RBM20: variants seen among roughly 807,000 people sequenced by gnomAD.
The protein encoded by RBM20 is RNA-binding protein 20.
A neutral mutation model predicts 110.1 loss-of-function variants in RBM20; 51 were observed. The observed-to-expected ratio is 0.46, with a 90% CI of 0.37 to 0.59. RBM20 has a LOEUF of 0.59. Ranked by LOEUF, RBM20 falls within the 20% of genes least tolerant of loss-of-function variation. The pLI is 0.00. For synonymous variants in RBM20, 589 were observed against 618.2 expected (o/e 0.95, Z 0.70); for missense variants, 1,512 against 1,574.9 (o/e 0.96, Z 0.68).
At chr10:110,679,740 G>A (rs999965226) in intron 1 of RBM20, among the ~76,000 whole-genome samples, 4 of 152,208 alleles carry the variant, frequency 2.6e-5, no homozygotes, top group African/African-American at 4.8e-5. Context: ...TGTCTGCAGC[G>A]TGGCTGTTTC....
At chr10:110,668,801 T>C (rs1378777566) in intron 1 of RBM20, among the ~76,000 whole-genome samples, 1 of 152,080 alleles carries the variant, frequency 6.6e-6, no homozygotes, top group Non-Finnish European at 1.5e-5. Context: ...TTTGGCCTAA[T>C]GTTTCACTTG....
intron 1 of RBM20, among the ~76,000 whole-genome samples, chr10:110,672,085 G>C (rs891599156): frequency 1.3e-5 from 2 of 152,138 alleles, no homozygotes; most frequent in East Asian, 3.9e-4. Flanking sequence ...GTCCGATGAC[G>C]GCTCTCGGAG....
chr10:110,665,675 T>G (rs993588754), intron 1 of RBM20, among the ~76,000 whole-genome samples: 1 of 151,742 alleles, frequency 6.6e-6, no homozygotes, highest in Non-Finnish European at 1.5e-5. Flanking sequence ...TAATCTATGA[T>G]ATATATGATA....
At chr10:110,835,342 T>C (rs1845111644) in intron 13 of RBM20, 1 of 133,820 alleles carries the variant, frequency 7.5e-6, no homozygotes, top group Non-Finnish European at 1.6e-5. Context: ...TTTTTTTCTT[T>C]TTTTTTTTTT....
chr10:110,781,543 C>T lies in RBM20; in HGVS notation c.934C>T (p.Leu312=), dbSNP rs1164333931. 5 of 1,551,716 alleles carry T rather than the reference C, an allele frequency of 3.2e-6. No individual in the cohort carries two copies. Among genetic ancestry groups the T allele is most frequent in the Non-Finnish European group, 4.4e-6 (5 of 1,146,996 alleles). The change falls in exon 2 of 14, where the codon CTG becomes TTG. Residue 312 remains leucine, a synonymous_variant. Coordinates refer to ENST00000369519, the MANE Select transcript of RBM20 (RefSeq NM_001134363.3). ...GGLKSEVGPL[L]QGTNSQWESP... ...CCTGAAAAGTGAGGTCGGGCCACTG[C>T]TGCAGGGCACAAACAGCCAATGGGA...
chr10:110,664,084 A>T (rs767679654), intron 1 of RBM20, among the ~76,000 whole-genome samples: 6 of 152,192 alleles, frequency 3.9e-5, no homozygotes, highest in Admixed American at 2.0e-4. Context: ...CAAATAAAAA[A>T]ATTTTTCTAA....
In RBM20 at chr10:110,739,713, A is replaced by G. The variant is rs1460086313; in HGVS notation, c.192-41088A>G. Among the ~76,000 whole-genome samples the G allele has an allele frequency of 6.6e-6, 1 of 152,168 alleles. No individual in the cohort carries two copies. The highest frequency in any genetic ancestry group is 1.5e-5 in the Non-Finnish European group (1 of 68,006). Reference sequence around the variant, plus strand: ...TGTGGTACGACTTGGGGCAACTTTGATCTTCTAAATGGGTATTAATAGTTC... The same window carrying G: ...TGTGGTACGACTTGGGGCAACTTTGGTCTTCTAAATGGGTATTAATAGTTC... On this transcript the variant is annotated intron_variant, in intron 1 of 13. Coordinates refer to ENST00000369519, the MANE Select transcript of RBM20 (RefSeq NM_001134363.3). This position sits in a 1 kb window ranked among gnomAD's most constrained non-coding sequence, Gnocchi z 4.1.
intron 9 of RBM20, among the ~76,000 whole-genome samples, chr10:110,816,342 A>T (rs1482110448): frequency 7.9e-6 from 1 of 126,680 alleles, no homozygotes; most frequent in African/African-American, 3.1e-5. Flanking sequence ...GACCATCTCA[A>T]CACCCCAACC....
intron 1 of RBM20, among the ~76,000 whole-genome samples, chr10:110,669,577 C>T (rs1862230455): frequency 6.6e-6 from 1 of 152,206 alleles, no homozygotes; most frequent in Admixed American, 6.5e-5. Context: ...TTTGCACCTT[C>T]ACTTGGTTAC....
chr10:110,721,339 C>T (rs919589756), intron 1 of RBM20, among the ~76,000 whole-genome samples: 4 of 152,112 alleles, frequency 2.6e-5, no homozygotes, highest in South Asian at 2.1e-4. Flanking sequence ...ATGAAAATGT[C>T]GAACCTGGAC....
intron 1 of RBM20, among the ~76,000 whole-genome samples, chr10:110,717,334 G>A (rs1228331939): frequency 6.6e-6 from 1 of 152,008 alleles, no homozygotes; most frequent in Non-Finnish European, 1.5e-5. Flanking sequence ...ATATTCTACT[G>A]CCCTCCTCCC....
chr10:110,684,853 C>A (rs751678927), intron 1 of RBM20, among the ~76,000 whole-genome samples: 1 of 152,114 alleles, frequency 6.6e-6, no homozygotes, highest in Non-Finnish European at 1.5e-5. Flanking sequence ...CAGATGTAGA[C>A]CTCTTGAAGC....
At chr10:110,677,860 A>C (rs1862361853) in intron 1 of RBM20, among the ~76,000 whole-genome samples, 1 of 152,164 alleles carries the variant, frequency 6.6e-6, no homozygotes, top group Admixed American at 6.5e-5. Flanking sequence ...TGGCTTTCTG[A>C]ATTGTTTTAC....
chr10:110,655,929 A>G (rs1862020524), intron 1 of RBM20, among the ~76,000 whole-genome samples: 1 of 151,194 alleles, frequency 6.6e-6, no homozygotes, highest in South Asian at 2.1e-4. Flanking sequence ...TTTAAGAGGT[A>G]TAATTGAAGT....
At chr10:110,782,005 A>G in intron 2 of RBM20, 121 bp downstream of exon 2, 1 of 1,266,156 alleles carries the variant, frequency 7.9e-7, no homozygotes, top group Non-Finnish European at 1.1e-6. Context: ...GAATTTTGCC[A>G]TCAGTATTCT....
At chr10:110,700,551 C>T (rs1416454882) in intron 1 of RBM20, among the ~76,000 whole-genome samples, 6 of 152,174 alleles carry the variant, frequency 3.9e-5, no homozygotes, top group African/African-American at 1.4e-4. Flanking sequence ...TTTGGTGGCT[C>T]AACAGGGTCT....
intron 5 of RBM20, among the ~76,000 whole-genome samples, chr10:110,785,701 G>A (rs1844410817): frequency 6.6e-6 from 1 of 151,992 alleles, no homozygotes; most frequent in African/African-American, 2.4e-5. Flanking sequence ...GTGAAGAGCT[G>A]TTTAATCCAG....
intron 1 of RBM20, among the ~76,000 whole-genome samples, chr10:110,755,420 G>A (rs1843909036): frequency 6.6e-6 from 1 of 152,160 alleles, no homozygotes; most frequent in Non-Finnish European, 1.5e-5. Context: ...GCTCTTCAGT[G>A]TTTTTATGGT....
intron 1 of RBM20, among the ~76,000 whole-genome samples, chr10:110,656,780 A>G (rs1590598541): frequency 6.6e-6 from 1 of 152,214 alleles, no homozygotes; most frequent in African/African-American, 2.4e-5. Flanking sequence ...AGGTTCATCC[A>G]TACTGTGTCA....
Sources: gnomAD v4.1 joint callset for allele counts (sites outside exome capture counted in the v4.1 genomes callset) on GRCh38, gnomAD v4.1.1 for gene constraint, Gnocchi (gnomAD v3.1) non-coding constraint, MANE v1.5 for transcripts, NCBI Gene and HGNC (gene_info 2026-07-23, HGNC 2026-07-21) for gene names.